The following RORA variants were observed in gnomAD, a reference collection of about 807,000 sequenced individuals.
RORA encodes the protein RAR related orphan receptor A, also known as nuclear receptor ROR-alpha.
Under a neutral mutation model 69.5 loss-of-function variants are expected in RORA, and 7 were observed. The ratio of observed to expected loss-of-function variants is 0.10; its 90% CI spans 0.06 to 0.19. The LOEUF (loss-of-function observed/expected upper bound fraction) is 0.19. Ranked by LOEUF, RORA falls within the 10% of genes least tolerant of loss-of-function variation. The pLI is 1.00. For synonymous variants in RORA, 261 were observed against 240.8 expected (o/e 1.08, Z -0.78); for missense variants, 457 against 663.0 (o/e 0.69, Z 3.41).
chr15:60,511,431 G>A lies in RORA; in HGVS notation c.615C>T (p.Asp205=), dbSNP rs61742834. Residue 205 remains aspartate, a synonymous_variant, in exon 5 of 11, where the codon GAC becomes GAT. Coordinates refer to ENST00000335670, the MANE Select transcript of RORA (RefSeq NM_134261.3). This position sits in a 1 kb window ranked among gnomAD's most constrained non-coding sequence, Gnocchi z 6.4. ...CCTTACTCCCCTCAGGGGTGTGCCC[G>A]TCAATGTAGTTACTGAGGTCGTCGT... The part of the protein sequence containing the change: ...ELHDDLSNYI[D]GHTPEGSKAD... 1.4e-3 allele frequency: 2,219 copies of A among 1,614,168 alleles called. 23 individuals carry two copies. The African/African-American group carries it at 0.026, about 19-fold the overall frequency.
chr15:60,778,310 T>TTC (rs2072204159), intron 1 of RORA, among the ~76,000 whole-genome samples: 2 of 151,878 alleles, frequency 1.3e-5, no homozygotes, highest in African/African-American at 2.4e-5. Context: ...ATTTTTTTTT[T>TTC]CCCATGCAAA....
rs201861281 is a variant in RORA at position 61,038,324 on chromosome 15, CATT to C, written c.166+190726_166+190728del. 6.4e-3 allele frequency among the ~76,000 whole-genome samples: 967 copies of C among 152,160 alleles called. 12 individuals carry two copies. Among genetic ancestry groups the C allele is most frequent in the African/African-American group, 0.022 (931 of 41,508 alleles). Reference sequence around the variant, plus strand: ...TTGCCTCTTTCTACTTGACTATAATCATTAATAATTTCTTTGGACCAGCAGAGG... The same window carrying C: ...TTGCCTCTTTCTACTTGACTATAATCAATAATTTCTTTGGACCAGCAGAGG... On this transcript the variant is annotated intron_variant, in intron 1 of 10. Coordinates refer to ENST00000335670, the MANE Select transcript of RORA (RefSeq NM_134261.3).
intron 1 of RORA, among the ~76,000 whole-genome samples, chr15:61,069,591 C>T (rs1283163675): frequency 6.6e-6 from 1 of 152,020 alleles, no homozygotes; most frequent in African/African-American, 2.4e-5. Flanking sequence ...TCATCTGAAA[C>T]CAATTACATT....
At chr15:60,645,044 A>G (rs554460663) in intron 2 of RORA, among the ~76,000 whole-genome samples, 5 of 152,340 alleles carry the variant, frequency 3.3e-5, no homozygotes, top group African/African-American at 1.2e-4. Flanking sequence ...GAAGTATGCC[A>G]TGTGCTGATA....
chr15:60,558,058 A>G (rs952685425), intron 2 of RORA: 3 of 430,646 alleles, frequency 7.0e-6, no homozygotes, highest in Middle Eastern at 5.7e-4. Context: ...AGTAGTGCCA[A>G]TGACGAAAGA....
intron 1 of RORA, among the ~76,000 whole-genome samples, chr15:60,734,896 T>C (rs1194461463): frequency 6.6e-6 from 1 of 152,248 alleles, no homozygotes; most frequent in Non-Finnish European, 1.5e-5. Flanking sequence ...TATTTGTTTC[T>C]AGCCTGCTTT....
chr15:60,891,204 C>T (rs138646153), intron 1 of RORA, among the ~76,000 whole-genome samples: 1 of 152,322 alleles, frequency 6.6e-6, no homozygotes, highest in Non-Finnish European at 1.5e-5. Context: ...CTGGCCCAAA[C>T]TTTATCTGAA....
At chr15:60,691,682 C>T (rs1252267193) in intron 1 of RORA, among the ~76,000 whole-genome samples, 2 of 152,088 alleles carry the variant, frequency 1.3e-5, no homozygotes, top group Admixed American at 6.5e-5. Flanking sequence ...CACGCTAACC[C>T]CAGGACCCAA....
At chr15:60,681,945 C>G (rs1287567384) in intron 1 of RORA, 1 of 152,150 alleles carries the variant, frequency 6.6e-6, no homozygotes, top group Non-Finnish European at 1.5e-5. Flanking sequence ...CTCAAGGAAG[C>G]AAATAATTCT....
intron 1 of RORA, among the ~76,000 whole-genome samples, chr15:61,132,844 C>G (rs1029608489): frequency 6.6e-6 from 1 of 152,094 alleles, no homozygotes; most frequent in African/African-American, 2.4e-5. Context: ...ATATGATTGA[C>G]CTGTATAAAT....
At chr15:60,888,380 C>T (rs1460189267) in intron 1 of RORA, among the ~76,000 whole-genome samples, 1 of 152,188 alleles carries the variant, frequency 6.6e-6, no homozygotes, top group Non-Finnish European at 1.5e-5. Flanking sequence ...CACGTTCTTT[C>T]AGTGTGGTGA....
chr15:61,101,479 T>C (rs1162822333), intron 1 of RORA, among the ~76,000 whole-genome samples: 2 of 152,000 alleles, frequency 1.3e-5, no homozygotes, highest in East Asian at 3.9e-4. Context: ...GCATGATACA[T>C]TCACGAAACT....
intron 1 of RORA, among the ~76,000 whole-genome samples, chr15:60,761,514 A>T (rs994277868): frequency 3.9e-5 from 6 of 152,120 alleles, no homozygotes; most frequent in African/African-American, 9.7e-5. Context: ...ATGTTTTTTT[A>T]AAAAATTATG....
intron 1 of RORA, among the ~76,000 whole-genome samples, chr15:61,166,454 G>A (rs1212071377): frequency 6.6e-6 from 1 of 152,168 alleles, no homozygotes; most frequent in Admixed American, 6.6e-5. Flanking sequence ...CAGAAGAACA[G>A]AAGAAAAGGG....
At chr15:60,547,586 A>G (rs2067110625) in intron 2 of RORA, 1 of 150,020 alleles carries the variant, frequency 6.7e-6, no homozygotes, top group African/African-American at 2.5e-5. Flanking sequence ...TTGGCATCCC[A>G]AAGTGCTGGG....
At chr15:60,975,306 T>A (rs1375718797) in intron 1 of RORA, among the ~76,000 whole-genome samples, 3 of 151,726 alleles carry the variant, frequency 2.0e-5, no homozygotes, top group African/African-American at 7.3e-5. Context: ...AGAAGTGAGA[T>A]CCGAAAAGAG....
chr15:60,699,007 G>C (rs1016235184), intron 1 of RORA, among the ~76,000 whole-genome samples: 1 of 151,890 alleles, frequency 6.6e-6, no homozygotes, highest in Non-Finnish European at 1.5e-5. Context: ...TAAGACTTCT[G>C]TATAGTTAAT....
At chr15:61,204,774 T>C (rs1205984162) in intron 1 of RORA, among the ~76,000 whole-genome samples, 3 of 152,170 alleles carry the variant, frequency 2.0e-5, no homozygotes, top group South Asian at 2.1e-4. Context: ...CCAAAAAGTA[T>C]GCGCAAGAGA....
chr15:60,833,931 G>GT (rs1340236578), intron 1 of RORA, among the ~76,000 whole-genome samples: 3 of 152,160 alleles, frequency 2.0e-5, no homozygotes, highest in African/African-American at 7.2e-5. Flanking sequence ...CCATGAGGTT[G>GT]TGAGAACTGG....
Sources: gnomAD v4.1 joint callset for allele counts (sites outside exome capture counted in the v4.1 genomes callset) on GRCh38, gnomAD v4.1.1 for gene constraint, Gnocchi (gnomAD v3.1) non-coding constraint, MANE v1.5 for transcripts, NCBI Gene and HGNC (gene_info 2026-07-23, HGNC 2026-07-21) for gene names.